The following PHACTR1 variants were observed in gnomAD, a reference collection of about 807,000 sequenced individuals.
PHACTR1 encodes the protein RPEL repeat containing 1.
Under a neutral mutation model 69.2 loss-of-function variants are expected in PHACTR1, and 16 were observed. The observed-to-expected ratio is 0.23, with a 90% confidence interval of 0.16 to 0.35. PHACTR1 has a LOEUF of 0.35. PHACTR1 is among the 10% of genes least tolerant of loss of function. The pLI, the probability that PHACTR1 is intolerant of heterozygous loss-of-function variation, is 1.00. For missense variants in PHACTR1, 510 were observed against 734.7 expected, an observed-to-expected ratio of 0.69 and a Z score of 3.54; for synonymous variants, 312 against 284.5, an observed-to-expected ratio of 1.10 and a Z score of -0.97.
chr6:12,835,390 G>A (rs954103990), intron 4 of PHACTR1, among the ~76,000 whole-genome samples: 2 of 152,064 alleles, frequency 1.3e-5, no homozygotes, highest in African/African-American at 2.4e-5. Flanking sequence ...TCAAGGAGAC[G>A]ACTGTTGCAG....
At chr6:12,847,309 A>G (rs1779388161) in intron 4 of PHACTR1, among the ~76,000 whole-genome samples, 1 of 152,222 alleles carries the variant, frequency 6.6e-6, no homozygotes, top group Non-Finnish European at 1.5e-5. Context: ...AGGTAGATAG[A>G]TACGGATAAA....
At chr6:12,955,273 A>G (rs1012083600) in intron 4 of PHACTR1, among the ~76,000 whole-genome samples, 7 of 141,356 alleles carry the variant, frequency 5.0e-5, no homozygotes, top group African/African-American at 1.7e-4. Flanking sequence ...GTCGTGGCTC[A>G]CCGTAGCTTT....
At chr6:12,949,269 C>CAAAAAA (rs201027793) in intron 4 of PHACTR1, among the ~76,000 whole-genome samples, 1 of 57,030 alleles carries the variant, frequency 1.8e-5, no homozygotes, top group African/African-American at 4.1e-5. Flanking sequence ...AACGTCATCT[C>CAAAAAA]AAAAAAAAAA....
intron 8 of PHACTR1, among the ~76,000 whole-genome samples, chr6:13,222,133 G>C (rs1045327972): frequency 2.6e-5 from 4 of 152,174 alleles, no homozygotes; most frequent in Admixed American, 2.6e-4. Flanking sequence ...CCCTTAGGAA[G>C]AGGGAGGGTG....
At chr6:13,071,788 A>G (rs1388543581) in intron 5 of PHACTR1, among the ~76,000 whole-genome samples, 1 of 152,152 alleles carries the variant, frequency 6.6e-6, no homozygotes. Context: ...CCTCTGTTAA[A>G]ATGTAGGAAG....
intron 4 of PHACTR1, among the ~76,000 whole-genome samples, chr6:12,932,552 G>T (rs1741681967): frequency 6.6e-6 from 1 of 152,060 alleles, no homozygotes. Context: ...CTCAATCTTA[G>T]ATCATTCTGG....
intron 4 of PHACTR1, among the ~76,000 whole-genome samples, chr6:12,798,121 AGTGTCTG>A (rs1342565520): frequency 6.6e-6 from 1 of 150,384 alleles, no homozygotes; most frequent in Non-Finnish European, 1.5e-5. Flanking sequence ...CTGTATCTTC[AGTGTCTG>A]GTACCATACT....
intron 5 of PHACTR1, among the ~76,000 whole-genome samples, chr6:13,131,792 T>C (rs1820508210): frequency 6.6e-6 from 1 of 152,208 alleles, no homozygotes; most frequent in Admixed American, 6.5e-5. Context: ...TTAAATATTT[T>C]AGAGGATGCA....
At chr6:12,875,890 G>A (rs1288711212) in intron 4 of PHACTR1, among the ~76,000 whole-genome samples, 1 of 152,162 alleles carries the variant, frequency 6.6e-6, no homozygotes, top group African/African-American at 2.4e-5. Context: ...GTGTAAAGAG[G>A]AGGACCAGGG....
chr6:13,086,075 C>A (rs1268456724), intron 5 of PHACTR1, among the ~76,000 whole-genome samples: 5 of 67,892 alleles, frequency 7.4e-5, no homozygotes, highest in Non-Finnish European at 5.6e-5. Context: ...AAAGAAGATA[C>A]ACATTTCTAA....
chr6:13,051,965 A>G (rs749002416), intron 4 of PHACTR1, among the ~76,000 whole-genome samples: 6 of 152,182 alleles, frequency 3.9e-5, no homozygotes, highest in Non-Finnish European at 8.8e-5. Flanking sequence ...TCATTGCAGC[A>G]TGTCCAAATC....
chr6:12,725,382 T>C (rs1270705989), intron 3 of PHACTR1, among the ~76,000 whole-genome samples: 2 of 152,254 alleles, frequency 1.3e-5, no homozygotes, highest in East Asian at 3.8e-4. Flanking sequence ...TCCTTTGCTG[T>C]GCTTACAGGG....
At chr6:12,727,055 T>C (rs938066391) in intron 3 of PHACTR1, among the ~76,000 whole-genome samples, 3 of 152,314 alleles carry the variant, frequency 2.0e-5, no homozygotes, top group East Asian at 3.9e-4. Context: ...GTTGTTGTTA[T>C]TGTTTTTCTC....
chr6:13,062,689 G>C (rs541118047), intron 5 of PHACTR1, among the ~76,000 whole-genome samples: 2 of 152,270 alleles, frequency 1.3e-5, no homozygotes, highest in Admixed American at 1.3e-4. Flanking sequence ...GGAAACCCTA[G>C]CATGCCGTGT....
intron 4 of PHACTR1, among the ~76,000 whole-genome samples, chr6:12,928,290 T>C (rs1354305475): frequency 3.3e-5 from 5 of 152,194 alleles, no homozygotes; most frequent in Non-Finnish European, 5.9e-5. Flanking sequence ...TTTCGCTATG[T>C]GTGTTAGAAG....
rs993996482 is a variant in PHACTR1 at position 13,096,804 on chromosome 6, A to G, written c.415+43275A>G. 1.4e-4 allele frequency among the ~76,000 whole-genome samples: 21 copies of G among 152,348 alleles called. No homozygotes were observed. The South Asian group carries it at 3.1e-3, about 23-fold the overall frequency. On this transcript the variant is annotated intron_variant, in intron 5 of 14. Coordinates refer to ENST00000332995, the MANE Select transcript of PHACTR1 (RefSeq NM_030948.6). ...TCTGTGTGTCTAGAGATGCCAGGAA[A>G]AATAACAAGGAGAGATTGGATCTAT... is the stretch of plus-strand genomic sequence containing the variant.
chr6:13,023,721 G>A (rs763800230), intron 4 of PHACTR1, among the ~76,000 whole-genome samples: 1 of 152,154 alleles, frequency 6.6e-6, no homozygotes, highest in African/African-American at 2.4e-5. Context: ...GAAAGAGTGC[G>A]GAACAAGTAA....
intron 4 of PHACTR1, among the ~76,000 whole-genome samples, chr6:12,796,213 G>A (rs1033976206): frequency 5.9e-5 from 9 of 152,160 alleles, no homozygotes; most frequent in Admixed American, 2.6e-4. Context: ...TTTGACTTAC[G>A]TAAGCATGGG....
chr6:13,115,097 C>G (rs949952459), intron 5 of PHACTR1, among the ~76,000 whole-genome samples: 2 of 152,148 alleles, frequency 1.3e-5, no homozygotes, highest in African/African-American at 2.4e-5. Flanking sequence ...AACTGCCTCC[C>G]AAGTTGGGAC....
Sources: gnomAD v4.1 joint callset for allele counts (sites outside exome capture counted in the v4.1 genomes callset) on GRCh38, gnomAD v4.1.1 for gene constraint, MANE v1.5 for transcripts, NCBI Gene and HGNC (gene_info 2026-07-23, HGNC 2026-07-21) for gene names.